Variants in NME7 observed in about 807,000 individuals in gnomAD.
The protein encoded by NME7 is nucleoside diphosphate kinase 7.
In NME7, 41 loss-of-function variants were observed where a neutral mutation model predicts 49.1. The ratio of observed to expected loss-of-function variants is 0.83; its 90% confidence interval spans 0.65 to 1.08. The LOEUF (loss-of-function observed/expected upper bound fraction) is 1.08, where lower values mean the gene tolerates loss of function less well. NME7 is among the 50% of genes least tolerant of loss of function. The pLI is 0.00. For synonymous variants in NME7, 139 were observed against 150.6 expected (o/e 0.92, Z 0.56); for missense variants, 423 against 463.4 (o/e 0.91, Z 0.80).
intron 10 of NME7, among the ~76,000 whole-genome samples, chr1:169,172,904 T>C (rs999695216): frequency 1.3e-5 from 2 of 152,244 alleles, no homozygotes; most frequent in African/African-American, 4.8e-5. Flanking sequence ...GAGCCTATTT[T>C]AGTAAGATCC....
chr1:169,251,955 T>C (rs1298089469), intron 7 of NME7, among the ~76,000 whole-genome samples: 1 of 150,440 alleles, frequency 6.6e-6, no homozygotes, highest in African/African-American at 2.4e-5. Context: ...TAATCCAGTC[T>C]ATCATTGTTG....
intron 5 of NME7, among the ~76,000 whole-genome samples, chr1:169,300,549 A>T (rs1650898252): frequency 6.6e-6 from 1 of 152,154 alleles, no homozygotes; most frequent in Middle Eastern, 3.2e-3. Flanking sequence ...TTACATGTCA[A>T]ATATTTAGAA....
intron 1 of NME7, among the ~76,000 whole-genome samples, chr1:169,352,699 G>A (rs747164548): frequency 1.3e-5 from 2 of 152,012 alleles, no homozygotes; most frequent in Non-Finnish European, 2.9e-5. Flanking sequence ...TCTTAGAACT[G>A]ATAAATCCAG....
intron 7 of NME7, among the ~76,000 whole-genome samples, chr1:169,244,361 G>A (rs10919109): frequency 0.062 from 9,437 of 152,106 alleles, 382 homozygotes; most frequent in East Asian, 0.12. Context: ...GGCCAGGTGC[G>A]GTGGCTCACG....
At chr1:169,249,465 C>A (rs1648466726) in intron 7 of NME7, among the ~76,000 whole-genome samples, 1 of 151,982 alleles carries the variant, frequency 6.6e-6, no homozygotes, top group Admixed American at 6.6e-5. Context: ...AATTTGGATG[C>A]CCTTTGTTTC....
chr1:169,284,069 C>T (rs1039798805), intron 7 of NME7: 4 of 152,218 alleles, frequency 2.6e-5, no homozygotes, highest in Non-Finnish European at 5.9e-5. Flanking sequence ...TTCTCCCCGT[C>T]ACTTTCAGGT....
At chr1:169,338,942 A>G (rs74121621) in intron 1 of NME7, among the ~76,000 whole-genome samples, 3,206 of 152,292 alleles carry the variant, frequency 0.021, 118 homozygotes, top group African/African-American at 0.074. Flanking sequence ...GTTGTCGTCT[A>G]ATTTTGTATT....
chr1:169,212,136 C>A (rs528663509), intron 10 of NME7, among the ~76,000 whole-genome samples: 8 of 151,830 alleles, frequency 5.3e-5, no homozygotes, highest in Non-Finnish European at 4.4e-5. Context: ...TTGTATTAAA[C>A]CCCTTTCAGC....
At position 169,132,829 on chromosome 1, in the gene NME7, A is replaced by G; in HGVS notation, c.1099-12T>C. 3 of 1,612,766 alleles carry G rather than the reference A, an allele frequency of 1.9e-6. No individual in the cohort carries two copies. The highest frequency in any genetic ancestry group is 2.5e-6 in the Non-Finnish European group (3 of 1,179,438). ...AAGAAGTATTGAACCTGAAACGGAG[A>G]AACACATAATTTCTTAGTTCAGACA... On this transcript the variant is annotated splice_polypyrimidine_tract_variant and intron_variant, in intron 11 of 11. Coordinates refer to ENST00000367811, the MANE Select transcript of NME7 (RefSeq NM_013330.5).
chr1:169,238,926 G>A (rs2101830320), intron 7 of NME7, among the ~76,000 whole-genome samples: 1 of 152,000 alleles, frequency 6.6e-6, no homozygotes, highest in African/African-American at 2.4e-5. Context: ...CTACGAATTT[G>A]CAAATTATTT....
At position 169,273,629 on chromosome 1, in the gene NME7, A is replaced by G. The variant is rs200872005; in HGVS notation, c.754+13674T>C. Among the ~76,000 whole-genome samples, 16 of 119,760 alleles carry G rather than the reference A, an allele frequency of 1.3e-4. 2 individuals carry two copies. Among genetic ancestry groups the G allele is most frequent in the African/African-American group, 4.4e-4 (16 of 36,598 alleles). The allele number at this position is 119,760 out of a possible 152,430, so 78.6% of individuals were successfully genotyped here. ...CTCCCCACTCCCCCTACCCCACAAC[A>G]GTCCCCAGAGTGTGATGTTCCCCTT... On this transcript the variant is annotated intron_variant, in intron 7 of 11. Transcript: ENST00000367811.
At chr1:169,255,412 C>T (rs1571331338) in intron 7 of NME7, among the ~76,000 whole-genome samples, 4 of 103,458 alleles carry the variant, frequency 3.9e-5, no homozygotes, top group Non-Finnish European at 4.1e-5. Context: ...TTTCCATTTG[C>T]TTGGTAGATC....
chr1:169,244,730 ATAG>A (rs773161889), intron 7 of NME7, among the ~76,000 whole-genome samples: 3 of 152,138 alleles, frequency 2.0e-5, no homozygotes, highest in Non-Finnish European at 4.4e-5. Flanking sequence ...TAATAATCTA[ATAG>A]TTTTATTTTG....
chr1:169,147,892 C>A (rs116506690), intron 11 of NME7, among the ~76,000 whole-genome samples: 3 of 152,080 alleles, frequency 2.0e-5, no homozygotes, highest in Non-Finnish European at 4.4e-5. Context: ...AAGGATATAG[C>A]GATTGTTATA....
At chr1:169,309,432 C>T (rs1651298560) in intron 4 of NME7, among the ~76,000 whole-genome samples, 1 of 152,120 alleles carries the variant, frequency 6.6e-6, no homozygotes, top group Non-Finnish European at 1.5e-5. Flanking sequence ...ATATGGCACT[C>T]CCACCAGCAC....
chr1:169,235,406 G>C (rs181018110), intron 8 of NME7, among the ~76,000 whole-genome samples: 3 of 151,872 alleles, frequency 2.0e-5, no homozygotes, highest in African/African-American at 7.3e-5. Flanking sequence ...GGTTCTATAC[G>C]TGCATCATCT....
At chr1:169,174,513 G>C (rs1430531269) in intron 10 of NME7, among the ~76,000 whole-genome samples, 2 of 152,176 alleles carry the variant, frequency 1.3e-5, no homozygotes, top group African/African-American at 4.8e-5. Flanking sequence ...CTTAACAACA[G>C]AGATATAGTC....
chr1:169,321,284 T>C (rs1288867364), intron 3 of NME7, among the ~76,000 whole-genome samples: 1 of 152,106 alleles, frequency 6.6e-6, no homozygotes, highest in Non-Finnish European at 1.5e-5. Flanking sequence ...CACTTGAGCA[T>C]GGGAAGTCAA....
At chr1:169,349,559 C>T (rs2101973285) in intron 1 of NME7, among the ~76,000 whole-genome samples, 1 of 152,174 alleles carries the variant, frequency 6.6e-6, no homozygotes, top group South Asian at 2.1e-4. Flanking sequence ...CAATTAAAAA[C>T]AATAATTTAA....
Sources: gnomAD v4.1 joint callset for allele counts (sites outside exome capture counted in the v4.1 genomes callset) on GRCh38, gnomAD v4.1.1 for gene constraint, MANE v1.5 for transcripts, NCBI Gene and HGNC (gene_info 2026-07-23, HGNC 2026-07-21) for gene names.